LARGE1: variants seen among roughly 807,000 people sequenced by gnomAD.
The protein encoded by LARGE1 is xylosyl- and glucuronyltransferase LARGE1.
LARGE1 carries 43 observed loss-of-function variants against 87.6 expected under a neutral mutation model. That is an observed-to-expected ratio of 0.49 (90% CI 0.38 to 0.63). LARGE1 has a LOEUF of 0.63. Ranked by LOEUF, LARGE1 falls within the 30% of genes least tolerant of loss-of-function variation. The probability of loss-of-function intolerance (pLI) is 0.00; values close to 1 mark genes in which losing one functional copy is unlikely to be tolerated. For missense variants in LARGE1, 802 were observed against 1,000.2 expected, an observed-to-expected ratio of 0.80 and a Z score of 2.67; for synonymous variants, 434 against 394.6, an observed-to-expected ratio of 1.10 and a Z score of -1.18.
chr22:33,621,858 C>T (rs759396495), intron 4 of LARGE1, among the ~76,000 whole-genome samples: 8 of 152,200 alleles, frequency 5.3e-5, no homozygotes, highest in Non-Finnish European at 8.8e-5. Context: ...ACGCACCTGA[C>T]AGCAATAACT....
At position 33,662,614 on chromosome 22, in the gene LARGE1, A is replaced by C. The variant is rs2081161827; in HGVS notation, c.107-11946T>G. Among the ~76,000 whole-genome samples the C allele has an allele frequency of 1.3e-5, 2 of 152,146 alleles. 1 individual carries two copies. The highest frequency in any genetic ancestry group is 4.2e-4 in the South Asian group (2 of 4,818). On this transcript the variant is annotated intron_variant, in intron 2 of 14. Transcript: ENST00000397394. ...CAGAAATGATGGGGCTGGTAAAAAG[A>C]GGAATAGAAAGAGCTAGTTATCAAA...
chr22:33,352,263 A>G (rs1410134171), intron 9 of LARGE1, among the ~76,000 whole-genome samples: 1 of 152,218 alleles, frequency 6.6e-6, no homozygotes, highest in Non-Finnish European at 1.5e-5. Context: ...TTTAGAAACT[A>G]CCTGACCAGT....
At chr22:33,588,876 G>A (rs1360479377) in intron 5 of LARGE1, among the ~76,000 whole-genome samples, 1 of 152,204 alleles carries the variant, frequency 6.6e-6, no homozygotes, top group Non-Finnish European at 1.5e-5. Flanking sequence ...TACTAAAGTG[G>A]GGGTGGGAGG....
chr22:33,544,752 C>T (rs1350077305), intron 6 of LARGE1, among the ~76,000 whole-genome samples: 2 of 151,918 alleles, frequency 1.3e-5, no homozygotes, highest in Non-Finnish European at 2.9e-5. Flanking sequence ...AAAGCCTTGG[C>T]GTAATGCTTA....
intron 11 of LARGE1, among the ~76,000 whole-genome samples, chr22:33,217,415 A>C (rs1925260870): frequency 6.6e-6 from 1 of 152,192 alleles, no homozygotes. Context: ...TTTAGTGCAC[A>C]CTAAAGTTTG....
chr22:33,743,640 C>G (rs1433210578), intron 2 of LARGE1, among the ~76,000 whole-genome samples: 1 of 152,194 alleles, frequency 6.6e-6, no homozygotes, highest in African/African-American at 2.4e-5. Flanking sequence ...CACCATAGAT[C>G]ATTCTCTATA....
intron 1 of LARGE1, among the ~76,000 whole-genome samples, chr22:33,809,233 C>T (rs180782249): frequency 7.9e-4 from 119 of 150,992 alleles, no homozygotes; most frequent in African/African-American, 2.7e-3. Context: ...GATTGCGCCA[C>T]TGCACACCAG....
intron 6 of LARGE1, among the ~76,000 whole-genome samples, chr22:33,507,551 G>C (rs531842240): frequency 6.6e-6 from 1 of 152,120 alleles, no homozygotes; most frequent in Admixed American, 6.5e-5. Flanking sequence ...AGCTGGGGGA[G>C]GGGAGAATGT....
chr22:33,661,775 A>C lies in LARGE1; in HGVS notation c.107-11107T>G, dbSNP rs146861221. On this transcript the variant is annotated intron_variant, in intron 2 of 14. Coordinates refer to ENST00000397394, the MANE Select transcript of LARGE1 (RefSeq NM_133642.5). ...TCAAAAAGGATCCAACAGAATGATG[A>C]CCGTACATCATGAGTGTGTCTTTAA... Among the ~76,000 whole-genome samples the C allele has an allele frequency of 5.7e-3, 872 of 152,214 alleles. 7 individuals carry two copies. Among genetic ancestry groups the C allele is most frequent in the Non-Finnish European group, 7.8e-3 (529 of 68,010 alleles).
intron 2 of LARGE1, among the ~76,000 whole-genome samples, chr22:33,671,489 T>G (rs1181457917): frequency 2.0e-5 from 3 of 152,232 alleles, no homozygotes; most frequent in Non-Finnish European, 2.9e-5. Flanking sequence ...TACAGCAAAG[T>G]TGAGTCCTGC....
chr22:33,205,486 A>G (rs934449275), intron 11 of LARGE1, among the ~76,000 whole-genome samples: 2 of 152,204 alleles, frequency 1.3e-5, no homozygotes, highest in Non-Finnish European at 2.9e-5. Flanking sequence ...ACATAAACAA[A>G]TAAATAAAAA....
intron 2 of LARGE1, among the ~76,000 whole-genome samples, chr22:33,704,371 G>A (rs1225070019): frequency 6.6e-6 from 1 of 152,190 alleles, no homozygotes; most frequent in East Asian, 1.9e-4. Context: ...ATTGCTGTAT[G>A]GCTACAAAGA....
intron 2 of LARGE1, among the ~76,000 whole-genome samples, chr22:33,737,073 G>A (rs1006835935): frequency 2.0e-5 from 3 of 152,150 alleles, no homozygotes; most frequent in Non-Finnish European, 2.9e-5. Flanking sequence ...TCTCTTCACA[G>A]AAGACTGTGG....
intron 2 of LARGE1, among the ~76,000 whole-genome samples, chr22:33,662,530 A>G (rs879507603): frequency 1.3e-5 from 2 of 152,128 alleles, no homozygotes; most frequent in Non-Finnish European, 1.5e-5. Flanking sequence ...ACACTTCACC[A>G]GAAGTGTCCA....
intron 1 of LARGE1, among the ~76,000 whole-genome samples, chr22:33,917,820 T>A (rs1160422292): frequency 1.3e-5 from 2 of 152,148 alleles, no homozygotes; most frequent in African/African-American, 4.8e-5. Context: ...AGTGCAAGCA[T>A]GTACTAGATC....
At chr22:33,782,518 C>T (rs666731) in intron 1 of LARGE1, among the ~76,000 whole-genome samples, 3,637 of 152,212 alleles carry the variant, frequency 0.024, 134 homozygotes, top group African/African-American at 0.083. Flanking sequence ...ATCAGTGACA[C>T]GAGAACAATG....
chr22:33,734,522 G>A (rs7292917), intron 2 of LARGE1, among the ~76,000 whole-genome samples: 8,332 of 152,144 alleles, frequency 0.055, 758 homozygotes, highest in African/African-American at 0.19. Context: ...TTTACGAGAG[G>A]AACTAAAACA....
chr22:33,203,314 A>G (rs1924505351), intron 11 of LARGE1, among the ~76,000 whole-genome samples: 2 of 152,170 alleles, frequency 1.3e-5, no homozygotes, highest in Non-Finnish European at 2.9e-5. Context: ...CTACTGCAAG[A>G]CAGCCTCGTG....
chr22:33,252,617 A>G (rs1927062682), intron 11 of LARGE1, among the ~76,000 whole-genome samples: 1 of 149,066 alleles, frequency 6.7e-6, no homozygotes, highest in Non-Finnish European at 1.5e-5. Flanking sequence ...TGAGTCGTTT[A>G]TTTTTCTTCC....
Sources: gnomAD v4.1 joint callset for allele counts (sites outside exome capture counted in the v4.1 genomes callset) on GRCh38, gnomAD v4.1.1 for gene constraint, MANE v1.5 for transcripts, NCBI Gene and HGNC (gene_info 2026-07-23, HGNC 2026-07-21) for gene names.